The following RASGRF2 variants were observed in gnomAD, a reference collection of about 807,000 sequenced individuals.
RASGRF2 encodes Ras protein specific guanine nucleotide releasing factor 2.
In RASGRF2, 76 loss-of-function variants were observed where a neutral mutation model predicts 151.0. The ratio of observed to expected loss-of-function variants is 0.50; its 90% CI spans 0.42 to 0.61. The LOEUF (loss-of-function observed/expected upper bound fraction) is 0.61. Ranked by LOEUF, RASGRF2 falls within the 20% of genes least tolerant of loss-of-function variation. The pLI is 0.00. For missense variants in RASGRF2, 1,148 were observed against 1,564.6 expected (o/e 0.73, Z 4.49); for synonymous variants, 504 against 566.5 (o/e 0.89, Z 1.57).
rs1753418253 is a variant in RASGRF2, at chr5:81,125,135, C to T, written c.2596+1368C>T. Among the ~76,000 whole-genome samples, 3 of 152,202 alleles carry T rather than the reference C, an allele frequency of 2.0e-5. No homozygotes were observed. The South Asian group carries it at 6.2e-4, about 32-fold the overall frequency. On this transcript the variant is annotated intron_variant, in intron 16 of 26. Transcript: ENST00000265080. ...CTCCTGACCTCAGGTGATTCACCCT[C>T]CTCAGCCTCTCAAAGTGTTGAGATT... is the stretch of plus-strand genomic sequence containing the variant.
chr5:81,123,286 A>T (rs940257452), intron 15 of RASGRF2, among the ~76,000 whole-genome samples: 2 of 152,118 alleles, frequency 1.3e-5, no homozygotes, highest in African/African-American at 4.8e-5. Flanking sequence ...TTGTAATCCC[A>T]ATCTGATTTT....
intron 1 of RASGRF2, among the ~76,000 whole-genome samples, chr5:80,976,433 G>A (rs928689463): frequency 1.3e-5 from 2 of 152,202 alleles, no homozygotes; most frequent in African/African-American, 4.8e-5. Flanking sequence ...CATTTGGTGA[G>A]CATGGCCCTT....
intron 17 of RASGRF2, among the ~76,000 whole-genome samples, chr5:81,157,170 G>A (rs1580366119): frequency 1.3e-5 from 2 of 151,734 alleles, no homozygotes; most frequent in Non-Finnish European, 2.9e-5. Flanking sequence ...TCGAGACCAC[G>A]GTGAAACCCT....
At chr5:81,127,019 C>T (rs1753474177) in intron 16 of RASGRF2, 55 bp from the exon 17 acceptor site, 1 of 1,560,532 alleles carries the variant, frequency 6.4e-7, no homozygotes, top group African/African-American at 1.4e-5. Context: ...ATTTTTGTTA[C>T]AGAATATTAT....
At chr5:81,093,028 T>C in intron 10 of RASGRF2, 67 bp downstream of exon 10, 1 of 1,438,804 alleles carries the variant, frequency 7.0e-7, no homozygotes, top group South Asian at 1.4e-5. Flanking sequence ...GTTAACTCAT[T>C]TGAGACTTTC....
chr5:81,007,065 G>A (rs185831600), intron 1 of RASGRF2, among the ~76,000 whole-genome samples: 2 of 152,202 alleles, frequency 1.3e-5, no homozygotes, highest in South Asian at 2.1e-4. Context: ...ACCTCATTGC[G>A]TGGTGGAGTA....
intron 22 of RASGRF2, 31 bp downstream of exon 22, chr5:81,208,469 G>C: frequency 6.5e-7 from 1 of 1,541,380 alleles, no homozygotes; most frequent in Non-Finnish European, 8.9e-7. Flanking sequence ...AACCGTGGGC[G>C]TGTCACAAGA....
At chr5:81,194,712 C>T (rs937130067) in intron 18 of RASGRF2, among the ~76,000 whole-genome samples, 2 of 152,166 alleles carry the variant, frequency 1.3e-5, no homozygotes, top group African/African-American at 2.4e-5. Flanking sequence ...CAGGCCCAGC[C>T]TCTCCTAAGG....
intron 1 of RASGRF2, among the ~76,000 whole-genome samples, chr5:81,005,505 G>A (rs769154498): frequency 2.6e-5 from 4 of 152,108 alleles, no homozygotes; most frequent in Non-Finnish European, 5.9e-5. Context: ...ATTTGGGTGG[G>A]GGGCACAGCC....
intron 7 of RASGRF2, among the ~76,000 whole-genome samples, chr5:81,083,976 A>T (rs916719708): frequency 6.6e-6 from 1 of 152,330 alleles, no homozygotes; most frequent in Non-Finnish European, 1.5e-5. Flanking sequence ...CAGCTCTTGA[A>T]GATACAGATG....
Position 81,086,890 on chromosome 5 carries a change from G to T in RASGRF2, c.1327G>T (p.Glu443Ter). The T allele has an allele frequency of 6.2e-7, 1 of 1,614,186 alleles. No individual in the cohort carries two copies. The change falls in exon 9 of 27, where the codon GAA (glutamate) becomes TAA (stop). Residue 443 changes from glutamate to a stop codon, truncating the protein, a stop_gained. Transcript: ENST00000265080. LOFTEE classifies it high-confidence loss of function. ...TENIRKNLAI[E>*]RMIVEGCDIL... ...AAACATAAGGAAAAACCTTGCCATCGAAAGAATGATCGTGGAGGGCTGTGA... is the reference window on the plus strand; with the variant it reads ...AAACATAAGGAAAAACCTTGCCATCTAAAGAATGATCGTGGAGGGCTGTGA...
intron 7 of RASGRF2, among the ~76,000 whole-genome samples, chr5:81,082,788 G>C (rs1403238392): frequency 6.6e-6 from 1 of 152,216 alleles, no homozygotes; most frequent in African/African-American, 2.4e-5. Context: ...CTTGTGGGAG[G>C]CTTTGATCTG....
At chr5:81,131,692 A>G (rs564058073) in intron 17 of RASGRF2, among the ~76,000 whole-genome samples, 1 of 152,052 alleles carries the variant, frequency 6.6e-6, no homozygotes, top group Non-Finnish European at 1.5e-5. Context: ...AAAGAAAAAA[A>G]AAAAAAAGAT....
intron 17 of RASGRF2, among the ~76,000 whole-genome samples, chr5:81,165,610 GC>G (rs1432923378): frequency 6.6e-6 from 1 of 152,194 alleles, no homozygotes; most frequent in Non-Finnish European, 1.5e-5. Context: ...AGAATTTCCA[GC>G]ACTGTTTTCA....
intron 24 of RASGRF2, 127 bp downstream of exon 24, chr5:81,216,082 T>A: frequency 1.0e-6 from 1 of 976,638 alleles, no homozygotes; most frequent in South Asian, 3.5e-5. Context: ...AAACAACTTG[T>A]ATCATCTAGG....
intron 14 of RASGRF2, among the ~76,000 whole-genome samples, 162 bp downstream of exon 14, chr5:81,113,020 G>T (rs1753044402): frequency 6.6e-6 from 1 of 152,166 alleles, no homozygotes. Context: ...ATATGTAAAG[G>T]TCACACAGAG....
intron 17 of RASGRF2, among the ~76,000 whole-genome samples, chr5:81,168,794 A>T (rs1343888872): frequency 6.6e-6 from 1 of 152,168 alleles, no homozygotes; most frequent in Non-Finnish European, 1.5e-5. Context: ...CTGACAACCG[A>T]TAGCTTGCCA....
chr5:81,090,517 T>C (rs1752359714), intron 9 of RASGRF2, among the ~76,000 whole-genome samples: 1 of 152,238 alleles, frequency 6.6e-6, no homozygotes, highest in Non-Finnish European at 1.5e-5. Context: ...GAAAAAATCC[T>C]CTTAAAATGC....
intron 17 of RASGRF2, among the ~76,000 whole-genome samples, chr5:81,136,276 C>T (rs1753751846): frequency 6.6e-6 from 1 of 152,212 alleles, no homozygotes; most frequent in Non-Finnish European, 1.5e-5. Context: ...TGACCTATAT[C>T]ATTTTTCTCT....
Sources: allele counts gnomAD v4.1 joint callset (sites outside exome capture counted in the v4.1 genomes callset), GRCh38; gene constraint gnomAD v4.1.1; transcripts MANE v1.5; gene names NCBI Gene and HGNC (gene_info 2026-07-23, HGNC 2026-07-21).